The following SERPINF1 variants were observed in gnomAD, a reference collection of about 807,000 sequenced individuals.
SERPINF1 encodes pigment epithelium-derived factor.
SERPINF1 carries 29 observed loss-of-function variants against 37.3 expected under a neutral mutation model. The ratio of observed to expected loss-of-function variants is 0.78; its 90% CI spans 0.58 to 1.06. SERPINF1 has a LOEUF of 1.06. Ranked by LOEUF, SERPINF1 falls within the 50% of genes least tolerant of loss-of-function variation. SERPINF1 has a pLI of 0.00. For missense variants in SERPINF1, 553 were observed against 532.2 expected (o/e 1.04, Z -0.38); for synonymous variants, 281 against 227.9 (o/e 1.23, Z -2.10).
chr17:1,764,003 T>G (rs977809714), intron 1 of SERPINF1, among the ~76,000 whole-genome samples: 4 of 152,204 alleles, frequency 2.6e-5, no homozygotes, highest in African/African-American at 9.7e-5. Context: ...GCCAACACGG[T>G]GAAACCCCAT....
At chr17:1,770,275 C>A (rs1030779164) in intron 3 of SERPINF1, among the ~76,000 whole-genome samples, 3 of 152,128 alleles carry the variant, frequency 2.0e-5, no homozygotes, top group Non-Finnish European at 2.9e-5. Context: ...TGGCGCTTGG[C>A]CTCAGGGTTC....
chr17:1,773,655 A>G (rs1015142216), intron 5 of SERPINF1, among the ~76,000 whole-genome samples: 6 of 152,232 alleles, frequency 3.9e-5, no homozygotes. Flanking sequence ...TGAGGATAAT[A>G]TATCTACTTC....
Position 1,777,350 on chromosome 17 carries a change from C to T in SERPINF1, c.1161C>T (p.Asp387=), listed in dbSNP as rs778242359. The change falls in exon 8 of 8, where the codon GAC becomes GAT. Residue 387 remains aspartate, a synonymous_variant. Coordinates refer to ENST00000254722, the MANE Select transcript of SERPINF1 (RefSeq NM_002615.7). ...LQPAHLTFPL[D]YHLNQPFIFV... ...CTGCCCACCTCACCTTCCCGCTGGACTATCACCTTAACCAGCCTTTCATCT... is the reference window on the plus strand; with the variant it reads ...CTGCCCACCTCACCTTCCCGCTGGATTATCACCTTAACCAGCCTTTCATCT... 11 of 1,614,178 alleles carry T rather than the reference C, an allele frequency of 6.8e-6. No individual in the cohort carries two copies. Among genetic ancestry groups the T allele is most frequent in the East Asian group, 6.7e-5 (3 of 44,870 alleles).
chr17:1,775,101 G>A lies in SERPINF1; in HGVS notation c.687G>A (p.Glu229=). The stretch of plus-strand genomic sequence containing the variant: ...TTGACTCCAGAAAGACTTCCCTCGA[G>A]GATTTCTACTTGGATGAAGAGAGGA... ...TKFDSRKTSL[E]DFYLDEERTV... The change falls in exon 6 of 8, where the codon GAG becomes GAA. Residue 229 remains glutamate, a synonymous_variant. Transcript: ENST00000254722. The A allele has an allele frequency of 1.2e-6, 2 of 1,614,084 alleles. No homozygotes were observed. Among genetic ancestry groups the A allele is most frequent in the South Asian group, 2.2e-5 (2 of 91,082 alleles).
At chr17:1,775,245 G>C in intron 6 of SERPINF1, 45 bp downstream of exon 6, 2 of 1,591,120 alleles carry the variant, frequency 1.3e-6, no homozygotes, top group Non-Finnish European at 8.6e-7. Flanking sequence ...GGAGGGAGAG[G>C]ATAGAGAAGC....
At chr17:1,772,842 G>T (rs778612177) in intron 5 of SERPINF1, among the ~76,000 whole-genome samples, 3 of 151,842 alleles carry the variant, frequency 2.0e-5, no homozygotes, top group Non-Finnish European at 4.4e-5. Flanking sequence ...CACTGCGCCC[G>T]GCCCTTTTAC....
intron 2 of SERPINF1, among the ~76,000 whole-genome samples, chr17:1,767,514 C>A (rs1190701213): frequency 6.6e-6 from 1 of 152,200 alleles, no homozygotes; most frequent in African/African-American, 2.4e-5. Flanking sequence ...GACATTTGTT[C>A]GGATACTGAC....
In SERPINF1 at chr17:1,769,866, C is replaced by T. The variant is rs150314171; in HGVS notation, c.99C>T (p.Pro33=). The T allele has an allele frequency of 2.8e-5, 45 of 1,614,198 alleles. No homozygotes were observed. The highest frequency in any genetic ancestry group is 1.3e-4 in the African/African-American group (10 of 75,040). The change falls in exon 3 of 8, where the codon CCC becomes CCT. Residue 33 remains proline (P), a synonymous_variant. Coordinates refer to ENST00000254722, the MANE Select transcript of SERPINF1 (RefSeq NM_002615.7). ...ASPPEEGSPD[P]DSTGALVEEE... is the part of the protein sequence containing the mutation. ...TCTCCTGCCAGGGCTCCCCAGACCC[C>T]GACAGCACAGGGGCGCTGGTGGAGG...
intron 3 of SERPINF1, chr17:1,770,808 C>G: frequency 1.8e-6 from 1 of 559,434 alleles, no homozygotes; most frequent in Non-Finnish European, 3.3e-6. Flanking sequence ...ACTGGTACCT[C>G]TCACTCCCTC....
In SERPINF1 at chr17:1,771,287, T is replaced by C. The variant is rs1231783556; in HGVS notation, c.439+103T>C. On this transcript the variant is annotated intron_variant, in intron 4 of 7. Transcript: ENST00000254722. ...TTTTTGAGACGGAGTCTCGCTCTGTTGCCCAGGCTGGAGTGCAGTGGCGTG... is the reference window on the plus strand; with the variant it reads ...TTTTTGAGACGGAGTCTCGCTCTGTCGCCCAGGCTGGAGTGCAGTGGCGTG... 247 of 1,254,896 alleles carry C rather than the reference T, an allele frequency of 2.0e-4. 1 individual carries two copies. Among genetic ancestry groups the C allele is most frequent in the Middle Eastern group, 1.1e-3 (4 of 3,540 alleles). 77.7% of individuals were successfully genotyped at this position (1,254,896 alleles called of 1,614,324 possible). A position where few individuals can be genotyped will look rare whatever the true frequency, so the allele number is the denominator to read the frequency against.
At chr17:1,765,622 G>C (rs1023195273) in intron 1 of SERPINF1, among the ~76,000 whole-genome samples, 5 of 152,020 alleles carry the variant, frequency 3.3e-5, no homozygotes, top group Admixed American at 3.3e-4. Flanking sequence ...GTGCTCGGTA[G>C]TTGTTTTATT....
At chr17:1,762,531 C>T (rs1353675082) in intron 1 of SERPINF1, among the ~76,000 whole-genome samples, 2 of 152,182 alleles carry the variant, frequency 1.3e-5, no homozygotes, top group East Asian at 1.9e-4. Flanking sequence ...GTCAGGAAGG[C>T]GGCCGCCCTG....
At chr17:1,764,905 G>A (rs1468421269) in intron 1 of SERPINF1, among the ~76,000 whole-genome samples, 15 of 148,222 alleles carry the variant, frequency 1.0e-4, no homozygotes, top group African/African-American at 2.2e-4. Context: ...GTGCAGTGGC[G>A]CGATCTCAGC....
intron 2 of SERPINF1, 29 bp from the exon 3 acceptor site, chr17:1,769,823 C>G: frequency 6.2e-7 from 1 of 1,613,590 alleles, no homozygotes. Context: ...TCCCTGAACT[C>G]AAACCCAAGA....
intron 3 of SERPINF1, chr17:1,770,773 G>A: frequency 2.2e-6 from 1 of 460,822 alleles, no homozygotes; most frequent in Non-Finnish European, 4.0e-6. Context: ...ATAATCTTAA[G>A]GGCTATGATG....
chr17:1,762,649 C>T (rs1055694196), intron 1 of SERPINF1, among the ~76,000 whole-genome samples: 4 of 152,358 alleles, frequency 2.6e-5, no homozygotes, highest in South Asian at 2.1e-4. Context: ...CTGGCCTCGG[C>T]GCCCTGGCTG....
At chr17:1,772,744 G>T (rs1907827328) in intron 5 of SERPINF1, among the ~76,000 whole-genome samples, 1 of 149,228 alleles carries the variant, frequency 6.7e-6, no homozygotes, top group Non-Finnish European at 1.5e-5. Context: ...ATTTTTAGTA[G>T]AGACGGGGTT....
intron 2 of SERPINF1, among the ~76,000 whole-genome samples, chr17:1,768,908 C>T (rs530894998): frequency 1.2e-4 from 18 of 152,066 alleles, no homozygotes; most frequent in African/African-American, 2.4e-4. Flanking sequence ...TGGGTTCAAG[C>T]GAATCTCGTG....
intron 6 of SERPINF1, 148 bp from the exon 7 acceptor site, chr17:1,776,384 T>C: frequency 1.3e-6 from 1 of 756,744 alleles, no homozygotes; most frequent in Non-Finnish European, 2.3e-6. Flanking sequence ...AGCTATAACC[T>C]GGAAGGGGAA....
Sources: allele counts gnomAD v4.1 joint callset (sites outside exome capture counted in the v4.1 genomes callset), GRCh38; gene constraint gnomAD v4.1.1; transcripts MANE v1.5; gene names NCBI Gene and HGNC (gene_info 2026-07-23, HGNC 2026-07-21).